RBFOX3: variants seen among roughly 807,000 people sequenced by gnomAD.
RBFOX3 encodes RNA binding fox-1 homolog 3.
RBFOX3 carries 17 observed loss-of-function variants against 48.7 expected under a neutral mutation model. The ratio of observed to expected loss-of-function variants is 0.35; its 90% CI spans 0.24 to 0.52. RBFOX3 has a LOEUF of 0.52. Ranked by LOEUF, RBFOX3 falls within the 20% of genes least tolerant of loss-of-function variation. The probability of loss-of-function intolerance (pLI) is 0.94; values close to 1 mark genes in which losing one functional copy is unlikely to be tolerated. For missense variants in RBFOX3, 382 were observed against 497.5 expected (o/e 0.77, Z 2.21); for synonymous variants, 212 against 209.5 (o/e 1.01, Z -0.10).
chr17:79,573,272 G>A (rs1291159289), intron 1 of RBFOX3, among the ~76,000 whole-genome samples: 2 of 152,198 alleles, frequency 1.3e-5, no homozygotes, highest in African/African-American at 4.8e-5. Context: ...GAAAGACCAA[G>A]GCCACGGGGA....
At position 79,206,339 on chromosome 17, in the gene RBFOX3, C is replaced by T. The variant is rs558835902; in HGVS notation, c.-34+29427G>A. Among the ~76,000 whole-genome samples the T allele has an allele frequency of 2.2e-4, 33 of 152,236 alleles. 1 individual carries two copies. The highest frequency in any genetic ancestry group is 6.7e-4 in the African/African-American group (28 of 41,530). On this transcript the variant is annotated intron_variant, in intron 4 of 14. Transcript: ENST00000693108. ...CGTTTTGAGTAGGTCCCAGAGCAAA[C>T]GAGGGCTCTATAGCAGGTCCAAGAT...
intron 2 of RBFOX3, among the ~76,000 whole-genome samples, chr17:79,315,277 T>G (rs767710639): frequency 2.0e-5 from 3 of 152,148 alleles, no homozygotes; most frequent in Non-Finnish European, 4.4e-5. Flanking sequence ...CTCTAGACCA[T>G]CCATGTCTCC....
At chr17:79,250,263 C>T (rs2063743986) in intron 3 of RBFOX3, among the ~76,000 whole-genome samples, 1 of 152,186 alleles carries the variant, frequency 6.6e-6, no homozygotes. Context: ...AACTAACCCA[C>T]ATTGACAAGC....
intron 3 of RBFOX3, among the ~76,000 whole-genome samples, chr17:79,244,563 C>G (rs1335919959): frequency 6.6e-6 from 1 of 151,396 alleles, no homozygotes; most frequent in Non-Finnish European, 1.5e-5. Flanking sequence ...TGCCTGCACC[C>G]TACTCACTCT....
At chr17:79,468,221 T>C (rs2076568108) in intron 2 of RBFOX3, among the ~76,000 whole-genome samples, 1 of 152,178 alleles carries the variant, frequency 6.6e-6, no homozygotes, top group Non-Finnish European at 1.5e-5. Context: ...TAGAAATTAA[T>C]GAGTTCCACA....
chr17:79,627,405 G>A, the RBFOX3 span, among the ~76,000 whole-genome samples: 1 of 152,210 alleles, frequency 6.6e-6, no homozygotes, highest in African/African-American at 2.4e-5. Context: ...GACTTTGCCT[G>A]TGCCGAGGGC....
chr17:79,597,116 C>T (rs2145229466), intron 1 of RBFOX3, among the ~76,000 whole-genome samples: 1 of 152,330 alleles, frequency 6.6e-6, no homozygotes, highest in South Asian at 2.1e-4. Context: ...CACACACATT[C>T]ACCCCAAATG....
intron 4 of RBFOX3, among the ~76,000 whole-genome samples, chr17:79,157,892 A>T (rs2046170715): frequency 6.6e-6 from 1 of 152,212 alleles, no homozygotes; most frequent in East Asian, 1.9e-4. Flanking sequence ...ACTGCAAGCT[A>T]GGATGGGGCT....
chr17:79,308,199 T>G (rs2076344786), intron 2 of RBFOX3, among the ~76,000 whole-genome samples: 1 of 146,798 alleles, frequency 6.8e-6, no homozygotes, highest in Non-Finnish European at 1.5e-5. Flanking sequence ...GGGCCCCAGG[T>G]CTCTCATGCC....
At chr17:79,397,815 T>C (rs1467763802) in intron 2 of RBFOX3, among the ~76,000 whole-genome samples, 3 of 152,028 alleles carry the variant, frequency 2.0e-5, no homozygotes, top group African/African-American at 4.8e-5. Flanking sequence ...GCCACAGCGG[T>C]GGGCAGGGGA....
chr17:79,576,861 A>G (rs2092880423), intron 1 of RBFOX3, among the ~76,000 whole-genome samples: 1 of 152,120 alleles, frequency 6.6e-6, no homozygotes, highest in South Asian at 2.1e-4. Flanking sequence ...TCTCCAGAGA[A>G]CCCTGACTGA....
chr17:79,159,797 A>G (rs999861246), intron 4 of RBFOX3, among the ~76,000 whole-genome samples: 2 of 151,812 alleles, frequency 1.3e-5, no homozygotes, highest in Non-Finnish European at 2.9e-5. Flanking sequence ...CACACACACT[A>G]CCTCCACACT....
At chr17:79,442,233 G>GGGAGGA (rs1568257814) in intron 2 of RBFOX3, among the ~76,000 whole-genome samples, 301 of 1,496 alleles carry the variant, frequency 0.2, 116 homozygotes, top group Non-Finnish European at 0.26. Context: ...GAGAGAGAGA[G>GGGAGGA]AGAGAGAGAG....
At chr17:79,097,902 A>C in intron 9 of RBFOX3, 157 bp from the exon 10 acceptor site, 2 of 704,546 alleles carry the variant, frequency 2.8e-6, no homozygotes, top group East Asian at 5.4e-5. Flanking sequence ...TGCCCGGACA[A>C]GTGCTGAGTT....
At chr17:79,366,801 G>A (rs2057821589) in intron 2 of RBFOX3, among the ~76,000 whole-genome samples, 1 of 152,198 alleles carries the variant, frequency 6.6e-6, no homozygotes, top group Admixed American at 6.5e-5. Flanking sequence ...CCTAGCAGAT[G>A]TTGTGCTGGC....
intron 1 of RBFOX3, among the ~76,000 whole-genome samples, chr17:79,575,792 A>G (rs924120228): frequency 1.3e-4 from 20 of 152,152 alleles, no homozygotes; most frequent in Non-Finnish European, 2.4e-4. Flanking sequence ...GGCCCAACAC[A>G]TGCTATTTTT....
At chr17:79,101,405 C>T (rs373886887) in intron 9 of RBFOX3, among the ~76,000 whole-genome samples, 179 bp downstream of exon 9, 2 of 152,184 alleles carry the variant, frequency 1.3e-5, no homozygotes, top group African/African-American at 2.4e-5. Context: ...GCTCTCCTCC[C>T]GCCTCTTCTG....
At chr17:79,574,672 G>T (rs1030468443) in intron 1 of RBFOX3, among the ~76,000 whole-genome samples, 4 of 152,192 alleles carry the variant, frequency 2.6e-5, no homozygotes, top group African/African-American at 9.7e-5. Context: ...AGCCCATGCC[G>T]CTGCTCCGCC....
At chr17:79,143,176 T>C (rs1296506673) in intron 4 of RBFOX3, among the ~76,000 whole-genome samples, 1 of 152,194 alleles carries the variant, frequency 6.6e-6, no homozygotes, top group African/African-American at 2.4e-5. Flanking sequence ...GTCTGTGTTT[T>C]GGGCAGCCTT....
Sources: allele counts gnomAD v4.1 joint callset (sites outside exome capture counted in the v4.1 genomes callset), GRCh38; gene constraint gnomAD v4.1.1; transcripts MANE v1.5; gene names NCBI Gene and HGNC (gene_info 2026-07-23, HGNC 2026-07-21).